The following ASTN2 variants were observed in gnomAD, a reference collection of about 807,000 sequenced individuals.
ASTN2 encodes the protein astrotactin-2.
ASTN2 carries 54 observed loss-of-function variants against 139.8 expected under a neutral mutation model. The observed-to-expected ratio is 0.39, with a 90% CI of 0.31 to 0.48. ASTN2 has a LOEUF of 0.48. Ranked by LOEUF, ASTN2 falls within the 20% of genes least tolerant of loss-of-function variation. The probability of loss-of-function intolerance (pLI) is 0.95; values close to 1 mark genes in which losing one functional copy is unlikely to be tolerated. For synonymous variants in ASTN2, 756 were observed against 719.5 expected (o/e 1.05, Z -0.81); for missense variants, 1,565 against 1,725.1 (o/e 0.91, Z 1.64).
chr9:116,471,346 G>A (rs891170613), intron 20 of ASTN2, among the ~76,000 whole-genome samples: 3 of 152,124 alleles, frequency 2.0e-5, no homozygotes, highest in Admixed American at 1.3e-4. Context: ...TTTCTTGCTT[G>A]TTTTAATCTG....
chr9:116,513,125 G>A (rs1413570817), intron 19 of ASTN2, among the ~76,000 whole-genome samples: 1 of 152,178 alleles, frequency 6.6e-6, no homozygotes, highest in African/African-American at 2.4e-5. Flanking sequence ...GCATGTTTTT[G>A]TAGTGGCTGG....
intron 1 of ASTN2, among the ~76,000 whole-genome samples, chr9:117,350,225 A>T (rs1587971804): frequency 6.6e-6 from 1 of 152,242 alleles, no homozygotes; most frequent in Admixed American, 6.5e-5. Flanking sequence ...GAGATTAATT[A>T]CTCCTGCAAG....
At chr9:117,241,932 C>A (rs12380060) in intron 2 of ASTN2, among the ~76,000 whole-genome samples, 30,875 of 147,802 alleles carry the variant, frequency 0.21, 5,343 homozygotes, top group African/African-American at 0.48. Context: ...TTACCCCCCC[C>A]CACACACACA....
chr9:117,084,176 G>T (rs1258426660), intron 5 of ASTN2, among the ~76,000 whole-genome samples: 3 of 152,138 alleles, frequency 2.0e-5, no homozygotes, highest in Non-Finnish European at 1.5e-5. Flanking sequence ...GTTAAATAGG[G>T]CCAAATGCAG....
rs56263614 is a variant in ASTN2, at chr9:116,893,159, TCACACACA to T, written c.1890-29434_1890-29427del. 7.7e-3 allele frequency among the ~76,000 whole-genome samples: 1,143 copies of T among 149,250 alleles called. 8 individuals are homozygous for T. The highest frequency in any genetic ancestry group is 0.014 in the African/African-American group (558 of 40,558). On this transcript the variant is annotated intron_variant, in intron 10 of 22. Transcript: ENST00000313400. ...GTTGCCAAAATCTACTAAAGGTGTA[TCACACACA>T]CACACACACACACACACACACACAC...
chr9:116,464,276 C>A (rs1848584553), intron 20 of ASTN2, among the ~76,000 whole-genome samples: 1 of 152,126 alleles, frequency 6.6e-6, no homozygotes, highest in South Asian at 2.1e-4. Context: ...GTGTGGCACC[C>A]ATGTATGTGA....
chr9:116,791,004 AAAG>A (rs1564269046), intron 13 of ASTN2, among the ~76,000 whole-genome samples: 5 of 124,260 alleles, frequency 4.0e-5, no homozygotes, highest in African/African-American at 1.5e-4. Flanking sequence ...AGAAAGAAAG[AAAG>A]AAAGAAAGAA....
intron 5 of ASTN2, among the ~76,000 whole-genome samples, chr9:117,095,306 T>C (rs1316952465): frequency 1.3e-5 from 2 of 152,226 alleles, no homozygotes; most frequent in East Asian, 1.9e-4. Context: ...GCCTGAAATA[T>C]GCTGTTTTCC....
At chr9:116,871,223 A>C (rs1468020732) in intron 10 of ASTN2, among the ~76,000 whole-genome samples, 1 of 152,220 alleles carries the variant, frequency 6.6e-6, no homozygotes, top group East Asian at 1.9e-4. Flanking sequence ...GTGCCACGGC[A>C]CTGCAGCCTG....
chr9:116,662,795 A>C (rs1291187813), intron 16 of ASTN2, among the ~76,000 whole-genome samples: 1 of 152,206 alleles, frequency 6.6e-6, no homozygotes, highest in African/African-American at 2.4e-5. Context: ...GCCAAACACA[A>C]GACATTGTGG....
At chr9:116,688,261 G>C (rs1860375055) in intron 16 of ASTN2, among the ~76,000 whole-genome samples, 1 of 152,092 alleles carries the variant, frequency 6.6e-6, no homozygotes. Context: ...ATTGTAAGAG[G>C]GTTGGGGACA....
intron 20 of ASTN2, among the ~76,000 whole-genome samples, chr9:116,482,584 A>C (rs1018772026): frequency 6.6e-6 from 1 of 152,084 alleles, no homozygotes; most frequent in Admixed American, 6.5e-5. Flanking sequence ...AAATAATACT[A>C]AGACCAGAGG....
rs750357615 is a variant in ASTN2, at chr9:116,805,613, G to A, written c.2396+19C>T. The A allele has an allele frequency of 6.8e-6, 11 of 1,609,564 alleles. No homozygotes were observed. The Admixed American group carries it at 1.8e-4, about 27-fold the overall frequency. On this transcript the variant is annotated intron_variant, in intron 13 of 22. Transcript: ENST00000313400. ...TGTCAGTGACTCAGACAAGCAATGTGCAAGTATCTACAGCATACCTAAAGG... is the reference window on the plus strand; with the variant it reads ...TGTCAGTGACTCAGACAAGCAATGTACAAGTATCTACAGCATACCTAAAGG...
chr9:117,347,340 C>T (rs909808349), intron 1 of ASTN2, among the ~76,000 whole-genome samples: 2 of 151,866 alleles, frequency 1.3e-5, no homozygotes, highest in African/African-American at 2.4e-5. Flanking sequence ...AATGAGAGAG[C>T]GCTTCCTGAT....
At chr9:116,951,963 T>A (rs1421659458) in intron 10 of ASTN2, among the ~76,000 whole-genome samples, 1 of 152,238 alleles carries the variant, frequency 6.6e-6, no homozygotes, top group Non-Finnish European at 1.5e-5. Flanking sequence ...AATGTGACTA[T>A]TTTTGTTGTT....
At chr9:117,092,478 G>A (rs542465152) in intron 5 of ASTN2, among the ~76,000 whole-genome samples, 48 of 152,256 alleles carry the variant, frequency 3.2e-4, no homozygotes, top group Non-Finnish European at 6.0e-4. Flanking sequence ...GTCACACACA[G>A]ATAGCCCCAA....
At chr9:117,019,917 A>C (rs940250858) in intron 6 of ASTN2, among the ~76,000 whole-genome samples, 1 of 152,088 alleles carries the variant, frequency 6.6e-6, no homozygotes, top group Non-Finnish European at 1.5e-5. Context: ...TCCATGGTTC[A>C]TGAAGGAAGC....
chr9:116,846,353 T>C lies in ASTN2; in HGVS notation c.2040+17230A>G, dbSNP rs906921256. 5.3e-5 allele frequency among the ~76,000 whole-genome samples: 8 copies of C among 152,292 alleles called. No individual in the cohort carries two copies. The East Asian group carries it at 1.5e-3, about 29-fold the overall frequency. The stretch of plus-strand genomic sequence containing the variant: ...GGAGATAAATTTTATGTTATGCATA[T>C]CTTATCACAATTAAAACAATTTTAA... On this transcript the variant is annotated intron_variant, in intron 11 of 22. Coordinates refer to ENST00000313400, the MANE Select transcript of ASTN2 (RefSeq NM_001365068.1).
chr9:117,132,607 A>G (rs1322728544), intron 4 of ASTN2, among the ~76,000 whole-genome samples: 1 of 152,026 alleles, frequency 6.6e-6, no homozygotes, highest in South Asian at 2.1e-4. Context: ...CAGGAACACA[A>G]ACTTCTCTGA....
Sources: allele counts gnomAD v4.1 joint callset (sites outside exome capture counted in the v4.1 genomes callset), GRCh38; gene constraint gnomAD v4.1.1; transcripts MANE v1.5; gene names NCBI Gene and HGNC (gene_info 2026-07-23, HGNC 2026-07-21).